The following MACF1 variants were observed in gnomAD, a reference collection of about 807,000 sequenced individuals.
MACF1 encodes the protein microtubule-actin cross-linking factor 1.
A neutral mutation model predicts 854.8 loss-of-function variants in MACF1; 193 were observed. The observed-to-expected ratio is 0.23, with a 90% CI of 0.20 to 0.25. The LOEUF (loss-of-function observed/expected upper bound fraction) is 0.25, where lower values mean the gene tolerates loss of function less well. Ranked by LOEUF, MACF1 falls within the 10% of genes least tolerant of loss-of-function variation. MACF1 has a pLI of 1.00. For synonymous variants in MACF1, 3,185 were observed against 3,226.7 expected, an observed-to-expected ratio of 0.99 and a Z score of 0.44; for missense variants, 7,722 against 8,929.1, an observed-to-expected ratio of 0.86 and a Z score of 5.45.
intron 49 of MACF1, among the ~76,000 whole-genome samples, chr1:39,362,606 G>A (rs1237192130): frequency 6.6e-6 from 1 of 152,014 alleles, no homozygotes; most frequent in Non-Finnish European, 1.5e-5. Context: ...GCTGTCTCCT[G>A]TGGCTTTTTG....
At chr1:39,474,397 A>G (rs1485933405) in intron 97 of MACF1, among the ~76,000 whole-genome samples, 1 of 151,654 alleles carries the variant, frequency 6.6e-6, no homozygotes, top group Admixed American at 6.6e-5. Flanking sequence ...GCAAAAAATA[A>G]TAATAAATAA....
intron 2 of MACF1, among the ~76,000 whole-genome samples, chr1:39,130,259 A>T (rs1208530300): frequency 6.6e-6 from 1 of 152,162 alleles, no homozygotes; most frequent in Non-Finnish European, 1.5e-5. Flanking sequence ...ATTTCTAATG[A>T]TTGGGCTTTA....
chr1:39,093,484 T>A, intron 2 of MACF1, among the ~76,000 whole-genome samples: 1 of 96,798 alleles, frequency 1.0e-5, no homozygotes, highest in South Asian at 2.9e-4. Context: ...CCTGGCTAAT[T>A]TTTTTTTTTT....
At chr1:39,311,102 A>C in intron 26 of MACF1, 102 bp downstream of exon 26, 3 of 1,282,980 alleles carry the variant, frequency 2.3e-6, no homozygotes, top group Non-Finnish European at 2.1e-6. Flanking sequence ...CAATAGACTC[A>C]AGACAGTCCT....
rs142006710 is a variant in MACF1, at chr1:39,455,086, G to A, written c.21064G>A (p.Ala7022Thr). The A allele has an allele frequency of 2.5e-4, 410 of 1,613,816 alleles. 2 individuals carry two copies. The highest frequency in any genetic ancestry group is 3.1e-4 in the Non-Finnish European group (370 of 1,179,856). ...CATTGACCGAGTTAAAGCCCTTATC[G>A]CTGAGCATCAGGTATCTTAACCTCA... ...QNIDRVKALI[A>T]EHQTFMEEMT... Residue 7022 changes from alanine (A) to threonine (T), a missense_variant, in exon 89 of 101, where the codon GCT becomes ACT. By Grantham distance (58) the Ala-to-Thr change is moderately conservative. Coordinates refer to ENST00000564288, the MANE Select transcript of MACF1 (RefSeq NM_001394062.1).
chr1:39,439,144 T>C (rs920006801), intron 71 of MACF1, 130 bp from the exon 72 acceptor site: 15 of 552,382 alleles, frequency 2.7e-5, no homozygotes, highest in Non-Finnish European at 4.6e-5. Context: ...TATCCTTTAG[T>C]TATAAATGCT....
At chr1:39,369,909 T>G (rs1212919097) in intron 50 of MACF1, 121 bp from the exon 51 acceptor site, 11 of 876,048 alleles carry the variant, frequency 1.3e-5, no homozygotes, top group Non-Finnish European at 1.9e-5. Flanking sequence ...ATGGAAAAGA[T>G]TATGAGAAAG....
At chr1:39,252,529 A>G (rs534015392) in intron 4 of MACF1, among the ~76,000 whole-genome samples, 2 of 152,322 alleles carry the variant, frequency 1.3e-5, no homozygotes, top group Non-Finnish European at 1.5e-5. Context: ...ACATATGAGT[A>G]AAGATTAGAG....
Position 39,379,339 on chromosome 1 carries a change from T to C in MACF1, c.13413T>C (p.Ser4471=). 5 of 1,614,160 alleles carry C rather than the reference T, an allele frequency of 3.1e-6. No individual in the cohort carries two copies. The highest frequency in any genetic ancestry group is 2.2e-5 in the East Asian group (1 of 44,890). Residue 4471 remains serine (S), a synonymous_variant, in exon 54 of 101, where the codon TCT becomes TCC. Coordinates refer to ENST00000564288, the MANE Select transcript of MACF1 (RefSeq NM_001394062.1). ...AGGAGGTTCACAAGGAGGCAAACTC[T>C]GTGCTGCAGTGGCTGGAATCAAAAG... The part of the protein sequence containing the change: ...RMEEVHKEAN[S]VLQWLESKEE...
At chr1:39,355,681 GTCTCGATCTCTTGGCCTCGTGAT>G (rs1265282956) in intron 44 of MACF1, among the ~76,000 whole-genome samples, 1 of 152,022 alleles carries the variant, frequency 6.6e-6, no homozygotes, top group Non-Finnish European at 1.5e-5. Flanking sequence ...GGCCAGCATG[GTCTCGATCTCTTGGCCTCGTGAT>G]CCACCCGCCT....
intron 66 of MACF1, among the ~76,000 whole-genome samples, chr1:39,431,120 G>A (rs761377766): frequency 6.6e-6 from 1 of 152,208 alleles, no homozygotes; most frequent in Non-Finnish European, 1.5e-5. Flanking sequence ...CCTTTGAGTA[G>A]AGAAGTACTT....
chr1:39,125,127 A>G (rs1642824990), intron 2 of MACF1, among the ~76,000 whole-genome samples: 1 of 152,220 alleles, frequency 6.6e-6, no homozygotes, highest in Non-Finnish European at 1.5e-5. Flanking sequence ...AAGACAAAAA[A>G]TGAAAAAAGA....
chr1:39,426,643 T>C (rs1643736904), intron 61 of MACF1, among the ~76,000 whole-genome samples: 1 of 152,188 alleles, frequency 6.6e-6, no homozygotes, highest in African/African-American at 2.4e-5. Flanking sequence ...AGTACATCTC[T>C]TAGCACTTCT....
At position 39,439,188 on chromosome 1, in the gene MACF1, G is replaced by A. The variant is rs997872982; in HGVS notation, c.18221-86G>A. On this transcript the variant is annotated intron_variant, in intron 71 of 100. Transcript: ENST00000564288. ...TTTTAAAAAATAGTTTCATTGAAAA[G>A]GTCAGAGTTACATGGAATTTCTGAA... The A allele has an allele frequency of 7.5e-6, 5 of 663,306 alleles. No homozygotes were observed. The Admixed American group carries it at 1.3e-4, about 17-fold the overall frequency. The allele number at this position is 663,306 out of a possible 1,614,324, so 41.1% of individuals were successfully genotyped here.
chr1:39,263,057 T>C (rs1645184115), intron 6 of MACF1, among the ~76,000 whole-genome samples: 1 of 151,886 alleles, frequency 6.6e-6, no homozygotes, highest in African/African-American at 2.4e-5. Context: ...TAGTCTTTCA[T>C]TATTGAGTAT....
At chr1:39,447,951 A>C (rs1450744075) in intron 82 of MACF1, 53 bp downstream of exon 82, 2 of 1,610,842 alleles carry the variant, frequency 1.2e-6, no homozygotes, top group Non-Finnish European at 1.7e-6. Context: ...GGCTGCATGT[A>C]TTGAGTCTCT....
At chr1:39,169,604 C>CA (rs61000226) in intron 2 of MACF1, among the ~76,000 whole-genome samples, 6,195 of 93,504 alleles carry the variant, frequency 0.066, 178 homozygotes, top group East Asian at 0.18. Context: ...GACCCTGTCT[C>CA]AAAAAAAAAA....
intron 2 of MACF1, among the ~76,000 whole-genome samples, chr1:39,234,606 A>G (rs1396667067): frequency 1.4e-5 from 1 of 69,908 alleles, no homozygotes; most frequent in African/African-American, 5.6e-5. Context: ...TGACCGCCCC[A>G]CCTCCCTCCC....
intron 2 of MACF1, among the ~76,000 whole-genome samples, chr1:39,095,817 T>A (rs984721364): frequency 1.3e-5 from 2 of 151,292 alleles, no homozygotes; most frequent in South Asian, 2.1e-4. Flanking sequence ...ATGGCTGCAG[T>A]GAGCTATGAT....
Sources: allele counts gnomAD v4.1 joint callset (sites outside exome capture counted in the v4.1 genomes callset), GRCh38; gene constraint gnomAD v4.1.1; transcripts MANE v1.5; gene names NCBI Gene and HGNC (gene_info 2026-07-23, HGNC 2026-07-21).